RPS6KA2: variants seen among roughly 807,000 people sequenced by gnomAD.
RPS6KA2 encodes the protein ribosomal protein S6 kinase A2.
RPS6KA2 carries 42 observed loss-of-function variants against 91.8 expected under a neutral mutation model. That is an observed-to-expected ratio of 0.46 (90% confidence interval 0.36 to 0.59). RPS6KA2 has a LOEUF of 0.59. RPS6KA2 is among the 20% of genes least tolerant of loss of function. The pLI is 0.00. For synonymous variants in RPS6KA2, 414 were observed against 393.6 expected (o/e 1.05, Z -0.61); for missense variants, 798 against 978.5 (o/e 0.82, Z 2.46).
At chr6:166,787,785 C>T (rs1333794813) in intron 2 of RPS6KA2, among the ~76,000 whole-genome samples, 4 of 152,064 alleles carry the variant, frequency 2.6e-5, no homozygotes, top group Admixed American at 2.0e-4. Flanking sequence ...ATGACTAAAA[C>T]ACCAAAAGCA....
At chr6:166,757,666 GGCT>G in intron 2 of RPS6KA2, 1 of 453,882 alleles carries the variant, frequency 2.2e-6, no homozygotes, top group South Asian at 1.6e-5. Context: ...TCACCTTGTG[GGCT>G]GCTGCGCCCG....
At chr6:166,673,835 A>G (rs765113719) in intron 2 of RPS6KA2, among the ~76,000 whole-genome samples, 3 of 152,280 alleles carry the variant, frequency 2.0e-5, no homozygotes, top group Non-Finnish European at 4.4e-5. Flanking sequence ...GCCGTAAGAC[A>G]TGCCAAAGCA....
chr6:166,819,371 G>A (rs1192010973), intron 2 of RPS6KA2, among the ~76,000 whole-genome samples: 3 of 152,144 alleles, frequency 2.0e-5, no homozygotes, highest in Non-Finnish European at 2.9e-5. Context: ...CTCAGGGTCT[G>A]TTGGGGATTG....
intron 1 of RPS6KA2, among the ~76,000 whole-genome samples, chr6:166,539,027 C>A (rs928573630): frequency 2.0e-5 from 3 of 152,106 alleles, no homozygotes; most frequent in African/African-American, 7.2e-5. Flanking sequence ...CCTCCACCTC[C>A]CAGGTTCAAG....
At chr6:166,827,132 A>G (rs1400103469) in intron 2 of RPS6KA2, among the ~76,000 whole-genome samples, 1 of 152,140 alleles carries the variant, frequency 6.6e-6, no homozygotes, top group African/African-American at 2.4e-5. Context: ...ACTAAAGTTA[A>G]GAAAACCTTG....
chr6:166,806,591 G>GA (rs1353169998), intron 2 of RPS6KA2, among the ~76,000 whole-genome samples: 2 of 152,158 alleles, frequency 1.3e-5, no homozygotes, highest in East Asian at 3.8e-4. Context: ...AATGCAGGGG[G>GA]AGTTTGTTAT....
rs376609638 is a variant in RPS6KA2, at chr6:166,828,255, G to T, written c.123+29945C>A. Among the ~76,000 whole-genome samples the T allele has an allele frequency of 6.6e-5, 10 of 152,318 alleles. No homozygotes were observed. The East Asian group carries it at 1.5e-3, about 24-fold the overall frequency. On this transcript the variant is annotated intron_variant, in intron 2 of 21. Coordinates refer to the RPS6KA2 transcript ENST00000503859. ...AGAATCAGAGCCCAGTGGTCAGAAT[G>T]GCCCGGAAGGTGAACCTGTCACCTG...
intron 2 of RPS6KA2, among the ~76,000 whole-genome samples, chr6:166,717,851 TTTC>T (rs1263095071): frequency 1.4e-5 from 2 of 140,226 alleles, no homozygotes; most frequent in African/African-American, 5.8e-5. Flanking sequence ...TCTTCTTTTC[TTTC>T]TTTTTTTTTT....
At chr6:166,802,138 T>C (rs1051503883) in intron 2 of RPS6KA2, among the ~76,000 whole-genome samples, 3 of 151,728 alleles carry the variant, frequency 2.0e-5, no homozygotes, top group Non-Finnish European at 2.9e-5. Flanking sequence ...GGCGTGGTGG[T>C]GGGCGCCTGT....
rs548738730 is a variant in RPS6KA2 at position 166,701,376 on chromosome 6, C to T, written c.123+156824G>A. On this transcript the variant is annotated intron_variant, in intron 2 of 21. Transcript: ENST00000503859. ...ACTCTGATATGAGCTTCAAGTTTCA[C>T]CTCTTCTTTAGGACTAACGAAGTTT... 1.2e-3 allele frequency: 1,735 copies of T among 1,416,702 alleles called. 4 individuals are homozygous for T. The highest frequency in any genetic ancestry group is 1.7e-3 in the Non-Finnish European group (1,668 of 1,000,902). 87.8% of individuals were successfully genotyped at this position (1,416,702 alleles called of 1,614,324 possible).
chr6:166,731,110 C>T (rs1331416634), intron 2 of RPS6KA2, among the ~76,000 whole-genome samples: 1 of 152,108 alleles, frequency 6.6e-6, no homozygotes, highest in African/African-American at 2.4e-5. Flanking sequence ...GGCGTGCTGG[C>T]GCATGCCTGT....
intron 2 of RPS6KA2, among the ~76,000 whole-genome samples, chr6:166,722,258 G>C (rs1790197065): frequency 6.6e-6 from 1 of 152,114 alleles, no homozygotes; most frequent in Non-Finnish European, 1.5e-5. Context: ...AACCATGCTG[G>C]AACGTGAGCT....
At chr6:166,487,870 T>C (rs1349041853) in intron 10 of RPS6KA2, among the ~76,000 whole-genome samples, 1 of 152,240 alleles carries the variant, frequency 6.6e-6, no homozygotes, top group Non-Finnish European at 1.5e-5. Context: ...AGGAAGGTAC[T>C]TTTGATTAGC....
chr6:166,785,251 G>A (rs902708404), intron 2 of RPS6KA2, among the ~76,000 whole-genome samples: 14 of 152,182 alleles, frequency 9.2e-5, no homozygotes, highest in African/African-American at 2.9e-4. Flanking sequence ...AGCAGGGGAG[G>A]GACTTGGCGC....
intron 19 of RPS6KA2, among the ~76,000 whole-genome samples, chr6:166,415,959 CCATCATCTT>C (rs1778486145): frequency 1.3e-5 from 2 of 149,722 alleles, no homozygotes; most frequent in Non-Finnish European, 3.0e-5. Flanking sequence ...ATCACCTTCA[CCATCATCTT>C]CACCATCTCC....
At chr6:166,827,221 C>CA (rs1202768718) in intron 2 of RPS6KA2, among the ~76,000 whole-genome samples, 1 of 130,258 alleles carries the variant, frequency 7.7e-6, no homozygotes, top group African/African-American at 2.9e-5. Flanking sequence ...TTTACAAAAA[C>CA]CACAACCTTG....
chr6:166,726,774 A>G lies in RPS6KA2; in HGVS notation c.123+131426T>C, dbSNP rs1047491106. On this transcript the variant is annotated intron_variant, in intron 2 of 21. Transcript: ENST00000503859. The surrounding 1 kb of genome is among the most constrained non-coding windows in gnomAD (Gnocchi z 4.4). ...TCTTGTCAAAGCTTTAAAACTGAAC[A>G]CGGCAACAACTCTAGGTGAGGAGTG... 6.6e-6 allele frequency among the ~76,000 whole-genome samples: 1 copy of G among 152,180 alleles called. No individual in the cohort carries two copies. The highest frequency in any genetic ancestry group is 2.4e-5 in the African/African-American group (1 of 41,424).
In RPS6KA2 at chr6:166,435,272, C is replaced by G. The variant is rs1779256733; in HGVS notation, c.1333-2782G>C. Among the ~76,000 whole-genome samples the G allele has an allele frequency of 6.6e-6, 1 of 152,148 alleles. No individual in the cohort carries two copies. On this transcript the variant is annotated intron_variant, in intron 14 of 20. Coordinates refer to ENST00000265678, the MANE Select transcript of RPS6KA2 (RefSeq NM_021135.6). This position sits in a 1 kb window ranked among gnomAD's most constrained non-coding sequence, Gnocchi z 4.3. Reference sequence around the variant, plus strand: ...AGTATTTGTAAACAGTTTTCAAAGACAGATTACCTTAAACTCTTGCTTACT... The same window carrying G: ...AGTATTTGTAAACAGTTTTCAAAGAGAGATTACCTTAAACTCTTGCTTACT...
intron 14 of RPS6KA2, among the ~76,000 whole-genome samples, chr6:166,446,607 GC>G (rs1300555986): frequency 6.6e-6 from 1 of 152,150 alleles, no homozygotes; most frequent in African/African-American, 2.4e-5. Flanking sequence ...CTGAGTTTAA[GC>G]TGTGTAACAA....
Sources: allele counts gnomAD v4.1 joint callset (sites outside exome capture counted in the v4.1 genomes callset), GRCh38; gene constraint gnomAD v4.1.1; non-coding constraint Gnocchi (gnomAD v3.1); transcripts MANE v1.5; gene names NCBI Gene and HGNC (gene_info 2026-07-23, HGNC 2026-07-21).